ALG5: variants seen among roughly 807,000 people sequenced by gnomAD.
The protein encoded by ALG5 is dolichyl-phosphate beta-glucosyltransferase.
A neutral mutation model predicts 51.8 loss-of-function variants in ALG5; 26 were observed. The observed-to-expected ratio is 0.50, with a 90% CI of 0.37 to 0.70. ALG5 has a LOEUF of 0.70. Ranked by LOEUF, ALG5 falls within the 30% of genes least tolerant of loss-of-function variation. ALG5 has a pLI of 0.00. For synonymous variants in ALG5, 141 were observed against 136.1 expected (o/e 1.04, Z -0.25); for missense variants, 311 against 399.3 (o/e 0.78, Z 1.88).
chr13:36,988,810 C>T (rs2059013201), intron 5 of ALG5, among the ~76,000 whole-genome samples: 1 of 152,192 alleles, frequency 6.6e-6, no homozygotes, highest in Admixed American at 6.5e-5. Context: ...GAAGCCTGGA[C>T]TTCTGATGAC....
At chr13:36,968,825 G>A (rs2058907288) in intron 7 of ALG5, among the ~76,000 whole-genome samples, 1 of 152,240 alleles carries the variant, frequency 6.6e-6, no homozygotes, top group South Asian at 2.1e-4. Flanking sequence ...ACATGAGGCG[G>A]ATGCATGTCT....
At chr13:36,982,172 G>C (rs2058982819) in intron 6 of ALG5, among the ~76,000 whole-genome samples, 1 of 152,198 alleles carries the variant, frequency 6.6e-6, no homozygotes. Flanking sequence ...ATGGAAAACA[G>C]CTTTGACTCT....
At chr13:36,966,988 C>T (rs1303216001) in intron 7 of ALG5, among the ~76,000 whole-genome samples, 3 of 151,858 alleles carry the variant, frequency 2.0e-5, no homozygotes, top group Admixed American at 6.6e-5. Context: ...TCTGGGAGGC[C>T]GAGGCAGGTG....
chr13:36,995,953 CATGCATAG>C (rs1355202473), intron 1 of ALG5, among the ~76,000 whole-genome samples: 1 of 152,160 alleles, frequency 6.6e-6, no homozygotes, highest in Non-Finnish European at 1.5e-5. Context: ...AGCGTGTCTA[CATGCATAG>C]AGACACACAC....
Position 36,949,912 on chromosome 13 carries a change from A to G in ALG5, c.*30T>C. 7.1e-7 allele frequency: 1 copy of G among 1,413,150 alleles called. No homozygotes were observed. Among genetic ancestry groups the G allele is most frequent in the Non-Finnish European group, 9.8e-7 (1 of 1,022,842 alleles). 87.5% of individuals were successfully genotyped at this position (1,413,150 alleles called of 1,614,324 possible). On this transcript the variant is annotated 3_prime_UTR_variant, in exon 10 of 10. Coordinates refer to ENST00000239891, the MANE Select transcript of ALG5 (RefSeq NM_013338.5). ...ATGAAATGAAATGTGACACTGAAGC[A>G]TAAGAACACAACTGAAGACTGCAAA...
chr13:36,976,410 A>G (rs1383750652), intron 6 of ALG5, among the ~76,000 whole-genome samples: 2 of 133,942 alleles, frequency 1.5e-5, no homozygotes, highest in Non-Finnish European at 3.1e-5. Flanking sequence ...TCAGTGACAG[A>G]GCAAGACTCT....
chr13:36,954,253 C>G (rs1239853463), intron 8 of ALG5, among the ~76,000 whole-genome samples: 1 of 67,566 alleles, frequency 1.5e-5, no homozygotes, highest in East Asian at 1.1e-3. Context: ...CTTACTAGTC[C>G]TATAATTTTA....
At chr13:36,989,879 A>G (rs967436307) in intron 4 of ALG5, among the ~76,000 whole-genome samples, 4 of 152,168 alleles carry the variant, frequency 2.6e-5, no homozygotes, top group Non-Finnish European at 5.9e-5. Flanking sequence ...CAACAACAAC[A>G]AAAAACAACA....
At chr13:36,988,895 C>T (rs2059013563) in intron 5 of ALG5, among the ~76,000 whole-genome samples, 1 of 152,172 alleles carries the variant, frequency 6.6e-6, no homozygotes. Context: ...AAATGGACCT[C>T]AAAGTCAATT....
intron 3 of ALG5, 138 bp from the exon 4 acceptor site, chr13:36,993,810 CGCATAA>C: frequency 1.5e-6 from 1 of 669,452 alleles, no homozygotes; most frequent in African/African-American, 1.8e-5. Context: ...GTGCACAAAC[CGCATAA>C]AATAAAAAGG....
chr13:36,954,063 T>TA (rs58422910), intron 8 of ALG5, among the ~76,000 whole-genome samples: 135,099 of 149,546 alleles, frequency 0.9, 61,154 homozygotes, highest in East Asian at 1. Context: ...CACCTTATAT[T>TA]AAAAAAAAAA....
chr13:36,985,763 A>G, intron 5 of ALG5, 23 bp from the exon 6 acceptor site: 1 of 1,544,790 alleles, frequency 6.5e-7, no homozygotes, highest in South Asian at 1.1e-5. Context: ...ATTTCAAGTC[A>G]AAGAAAATTG....
chr13:36,980,410 A>G (rs1221733638), intron 6 of ALG5, among the ~76,000 whole-genome samples: 1 of 151,878 alleles, frequency 6.6e-6, no homozygotes, highest in Non-Finnish European at 1.5e-5. Flanking sequence ...AATTTTTAGT[A>G]GAGACGGGAT....
At chr13:36,990,942 C>A (rs2059022751) in intron 4 of ALG5, among the ~76,000 whole-genome samples, 1 of 152,180 alleles carries the variant, frequency 6.6e-6, no homozygotes, top group Non-Finnish European at 1.5e-5. Context: ...CTAATTCATT[C>A]CTAAAGTTAT....
At chr13:36,980,889 G>T (rs939913744) in intron 6 of ALG5, among the ~76,000 whole-genome samples, 1 of 152,052 alleles carries the variant, frequency 6.6e-6, no homozygotes, top group African/African-American at 2.4e-5. Flanking sequence ...CACGAGAATC[G>T]CTTAAGCCCA....
chr13:36,977,818 A>C (rs1399296741), intron 6 of ALG5, among the ~76,000 whole-genome samples: 9 of 140,022 alleles, frequency 6.4e-5, no homozygotes, highest in African/African-American at 1.8e-4. Flanking sequence ...AAAAAAACAA[A>C]AACGGTGGTA....
At chr13:36,981,287 A>C (rs185345585) in intron 6 of ALG5, among the ~76,000 whole-genome samples, 1 of 152,320 alleles carries the variant, frequency 6.6e-6, no homozygotes, top group East Asian at 1.9e-4. Context: ...AAACGTACTA[A>C]AGAAATGACT....
chr13:36,957,498 G>A (rs937076637), intron 8 of ALG5, among the ~76,000 whole-genome samples: 7 of 152,050 alleles, frequency 4.6e-5, no homozygotes, highest in Non-Finnish European at 1.0e-4. Flanking sequence ...TATCCCAGGC[G>A]TTAGGCATAC....
intron 5 of ALG5, among the ~76,000 whole-genome samples, chr13:36,986,832 T>A (rs1459452567): frequency 6.6e-6 from 1 of 152,186 alleles, no homozygotes; most frequent in South Asian, 2.1e-4. Context: ...GAGGCTGAGG[T>A]GGTAAAAAAA....
Sources: allele counts gnomAD v4.1 joint callset (sites outside exome capture counted in the v4.1 genomes callset), GRCh38; gene constraint gnomAD v4.1.1; transcripts MANE v1.5; gene names NCBI Gene and HGNC (gene_info 2026-07-23, HGNC 2026-07-21).